GAN: variants seen among roughly 807,000 people sequenced by gnomAD.
GAN encodes the protein epididymis secretory sperm binding protein.
GAN carries 48 observed loss-of-function variants against 71.3 expected under a neutral mutation model. That is an observed-to-expected ratio of 0.67 (90% CI 0.53 to 0.86). The LOEUF is 0.86. GAN is among the 40% of genes least tolerant of loss of function. The pLI is 0.00. For synonymous variants in GAN, 386 were observed against 276.8 expected, an observed-to-expected ratio of 1.39 and a Z score of -3.92; for missense variants, 928 against 770.1, an observed-to-expected ratio of 1.21 and a Z score of -2.43.
chr16:81,326,090 C>T lies in GAN; in HGVS notation c.167+10810C>T, dbSNP rs183254384. 5.3e-5 allele frequency among the ~76,000 whole-genome samples: 8 copies of T among 152,340 alleles called. No homozygotes were observed. The East Asian group carries it at 1.5e-3, about 29-fold the overall frequency. ...TCCTTTAGTTCATGGTGTGTGCCTTCAGCAAGGAGTGCATCATCGCCTCAT... is the reference window on the plus strand; with the variant it reads ...TCCTTTAGTTCATGGTGTGTGCCTTTAGCAAGGAGTGCATCATCGCCTCAT... On this transcript the variant is annotated intron_variant, in intron 1 of 10. Coordinates refer to ENST00000648994, the MANE Select transcript of GAN (RefSeq NM_022041.4).
intron 7 of GAN, 92 bp from the exon 8 acceptor site, chr16:81,364,882 C>G (rs192879718): frequency 7.6e-5 from 96 of 1,265,568 alleles, no homozygotes; most frequent in Admixed American, 4.7e-4. Flanking sequence ...CTTCCTAAAT[C>G]TCTTTAAGTA....
At chr16:81,364,943 C>G in intron 7 of GAN, 31 bp from the exon 8 acceptor site, 1 of 1,611,008 alleles carries the variant, frequency 6.2e-7, no homozygotes, top group Non-Finnish European at 8.5e-7. Flanking sequence ...AGAAATGTTG[C>G]CTCTCCCCCA....
At chr16:81,337,981 C>T (rs1053372702) in intron 1 of GAN, among the ~76,000 whole-genome samples, 3 of 152,140 alleles carry the variant, frequency 2.0e-5, no homozygotes, top group Non-Finnish European at 2.9e-5. Flanking sequence ...AGTAATTCTA[C>T]GTAGCTGGTT....
chr16:81,339,149 A>G (rs951283201), intron 1 of GAN, among the ~76,000 whole-genome samples: 7 of 152,226 alleles, frequency 4.6e-5, no homozygotes, highest in African/African-American at 1.7e-4. Context: ...TTGTTACTCA[A>G]AGAGTGGTCT....
Position 81,380,335 on chromosome 16 carries a change from G to A in GAN, c.*2739G>A, listed in dbSNP as rs900718207. The stretch of plus-strand genomic sequence containing the variant: ...AAATTTTAAATACAAATATCTTTGG[G>A]GGAAGTGCAATTTATTTTCAGAAGG... On this transcript the variant is annotated 3_prime_UTR_variant, in exon 11 of 11. Coordinates refer to ENST00000648994, the MANE Select transcript of GAN (RefSeq NM_022041.4). The A allele has an allele frequency of 2.6e-5, 4 of 152,526 alleles. No individual in the cohort carries two copies. Among genetic ancestry groups the A allele is most frequent in the African/African-American group, 9.7e-5 (4 of 41,414 alleles). 9.4% of individuals were successfully genotyped at this position (152,526 alleles called of 1,614,324 possible).
chr16:81,382,310 A>G lies in GAN; in HGVS notation c.*4714A>G, dbSNP rs573517602. The G allele has an allele frequency of 5.3e-5, 8 of 152,226 alleles. No individual in the cohort carries two copies. The highest frequency in any genetic ancestry group is 1.0e-4 in the Non-Finnish European group (7 of 68,034). The allele number at this position is 152,226 out of a possible 1,614,324, so 9.4% of individuals were successfully genotyped here. On this transcript the variant is annotated 3_prime_UTR_variant, in exon 11 of 11. Transcript: ENST00000648994. The stretch of plus-strand genomic sequence containing the variant: ...GCATACAAGTATTTTTAGTAATAGA[A>G]TAATCATTTTTAGTATTAATACAAT...
rs551583017 is a variant in GAN at position 81,362,392 on chromosome 16, T to C, written c.974-107T>C. On this transcript the variant is annotated intron_variant, in intron 5 of 10. Transcript: ENST00000648994. ...AAAAGCCCTGAATCCAAAGAGAACA[T>C]TGTTGTCATCAGAGAGTTTCTTCAG... 157 of 729,780 alleles carry C rather than the reference T, an allele frequency of 2.2e-4. No individual in the cohort carries two copies. In the African/African-American group the frequency reaches 2.2e-3, roughly 10 times the overall value. 45.2% of individuals were successfully genotyped at this position (729,780 alleles called of 1,614,324 possible). A position where few individuals can be genotyped will look rare whatever the true frequency, so the allele number is the denominator to read the frequency against.
chr16:81,315,199 T>A lies in GAN; in HGVS notation c.86T>A (p.Phe29Tyr), dbSNP rs781608633. ...ALSSFREESR[F>Y]CDAHLVLDGE... ...AGCTCTTTCCGCGAGGAGTCTCGCT[T>A]CTGCGACGCGCACCTGGTCCTCGAC... Residue 29 changes from phenylalanine to tyrosine, a missense_variant, in exon 1 of 11, where the codon TTC becomes TAC. Coordinates refer to ENST00000648994, the MANE Select transcript of GAN (RefSeq NM_022041.4). 6.3e-7 allele frequency: 1 copy of A among 1,578,672 alleles called. No individual in the cohort carries two copies. Among genetic ancestry groups the A allele is most frequent in the Non-Finnish European group, 8.6e-7 (1 of 1,164,730 alleles).
intron 5 of GAN, among the ~76,000 whole-genome samples, chr16:81,358,584 G>A (rs1910568306): frequency 6.6e-6 from 1 of 151,846 alleles, no homozygotes; most frequent in Non-Finnish European, 1.5e-5. Context: ...ATTCCAGCCT[G>A]GGTGACAGAG....
intron 9 of GAN, among the ~76,000 whole-genome samples, chr16:81,366,398 C>G (rs973659654): frequency 2.6e-5 from 4 of 152,218 alleles, no homozygotes; most frequent in Admixed American, 6.5e-5. Context: ...TCGATGTCTT[C>G]TCTCTTTCCT....
chr16:81,329,554 A>G (rs745415108), intron 1 of GAN, among the ~76,000 whole-genome samples: 2 of 152,076 alleles, frequency 1.3e-5, no homozygotes, highest in Non-Finnish European at 2.9e-5. Flanking sequence ...ATGTCTTACC[A>G]CTCCATCAAA....
At chr16:81,339,619 A>G (rs1222602982) in intron 1 of GAN, among the ~76,000 whole-genome samples, 1 of 152,252 alleles carries the variant, frequency 6.6e-6, no homozygotes, top group Non-Finnish European at 1.5e-5. Flanking sequence ...CCAGAACTTG[A>G]TCATTCCATA....
At position 81,380,824 on chromosome 16, in the gene GAN, G is replaced by A. The variant is rs750276205; in HGVS notation, c.*3228G>A. 1 of 152,196 alleles carries A rather than the reference G, an allele frequency of 6.6e-6. No homozygotes were observed. Among genetic ancestry groups the A allele is most frequent in the African/African-American group, 2.4e-5 (1 of 41,450 alleles). 9.4% of individuals were successfully genotyped at this position (152,196 alleles called of 1,614,324 possible). A position where few individuals can be genotyped will look rare whatever the true frequency, so the allele number is the denominator to read the frequency against. ...TAAAAACAGTGTTTACCAACTCGTA[G>A]TTGGTATACTGTCAGGATTTGGCCT... On this transcript the variant is annotated 3_prime_UTR_variant, in exon 11 of 11. Coordinates refer to ENST00000648994, the MANE Select transcript of GAN (RefSeq NM_022041.4).
At chr16:81,363,401 G>A (rs1910743486) in intron 6 of GAN, among the ~76,000 whole-genome samples, 1 of 152,204 alleles carries the variant, frequency 6.6e-6, no homozygotes, top group Non-Finnish European at 1.5e-5. Context: ...GGCTGTTAGG[G>A]AAGCCAGAAA....
At chr16:81,321,727 A>T (rs1909229820) in intron 1 of GAN, among the ~76,000 whole-genome samples, 1 of 152,228 alleles carries the variant, frequency 6.6e-6, no homozygotes, top group Non-Finnish European at 1.5e-5. Context: ...TCCTTCTGAA[A>T]GACACAAGAC....
At chr16:81,363,013 G>T (rs1288630458) in intron 6 of GAN, among the ~76,000 whole-genome samples, 1 of 152,224 alleles carries the variant, frequency 6.6e-6, no homozygotes, top group Non-Finnish European at 1.5e-5. Context: ...TGATGGCAGA[G>T]AATTACATGT....
chr16:81,357,976 T>C, intron 5 of GAN, 45 bp downstream of exon 5: 1 of 1,526,196 alleles, frequency 6.6e-7, no homozygotes, highest in South Asian at 1.1e-5. Context: ...GATCAAGTAA[T>C]GTGTAATCTC....
chr16:81,332,865 T>G (rs1479938005), intron 1 of GAN, among the ~76,000 whole-genome samples: 2 of 152,208 alleles, frequency 1.3e-5, no homozygotes, highest in African/African-American at 4.8e-5. Flanking sequence ...TCCTCTTCAG[T>G]GCATCATATC....
rs182490339 is a variant in GAN at position 81,329,920 on chromosome 16, A to C, written c.167+14640A>C. Among the ~76,000 whole-genome samples, 3 of 152,224 alleles carry C rather than the reference A, an allele frequency of 2.0e-5. No individual in the cohort carries two copies. The East Asian group carries it at 5.8e-4, about 29-fold the overall frequency. On this transcript the variant is annotated intron_variant, in intron 1 of 10. Transcript: ENST00000648994. ...TGGCCACCTTAAACCCAGTCAACCT[A>C]GCTCCCTCCCCCAGCCAGTGGGCTG...
Sources: allele counts gnomAD v4.1 joint callset (sites outside exome capture counted in the v4.1 genomes callset), GRCh38; gene constraint gnomAD v4.1.1; transcripts MANE v1.5; gene names NCBI Gene and HGNC (gene_info 2026-07-23, HGNC 2026-07-21).